Variants in ZNF385D observed in about 807,000 individuals in gnomAD.
ZNF385D encodes the protein zinc finger protein 385D, also known as zinc finger protein 659.
A neutral mutation model predicts 35.8 loss-of-function variants in ZNF385D; 15 were observed. That is an observed-to-expected ratio of 0.42 (90% CI 0.28 to 0.64). The LOEUF (loss-of-function observed/expected upper bound fraction) is 0.64. Ranked by LOEUF, ZNF385D falls within the 30% of genes least tolerant of loss-of-function variation. The pLI is 0.23. For missense variants in ZNF385D, 474 were observed against 494.6 expected (o/e 0.96, Z 0.39); for synonymous variants, 212 against 186.8 (o/e 1.13, Z -1.10).
chr3:22,233,752 G>C (rs1019583958), intron 2 of ZNF385D, among the ~76,000 whole-genome samples: 2 of 151,792 alleles, frequency 1.3e-5, no homozygotes, highest in Non-Finnish European at 1.5e-5. Flanking sequence ...TGAGTTCCAG[G>C]GTGGTTTAAT....
chr3:21,439,520 C>G (rs1701754025), intron 4 of ZNF385D, among the ~76,000 whole-genome samples: 1 of 151,978 alleles, frequency 6.6e-6, no homozygotes, highest in Non-Finnish European at 1.5e-5. Context: ...TTGAAATCTA[C>G]TATGGTAAAG....
At chr3:22,176,072 A>G (rs1694814047) in intron 2 of ZNF385D, among the ~76,000 whole-genome samples, 1 of 146,784 alleles carries the variant, frequency 6.8e-6, no homozygotes, top group African/African-American at 2.7e-5. Flanking sequence ...ATTCCCCACT[A>G]GAGTGCAGTG....
intron 3 of ZNF385D, among the ~76,000 whole-genome samples, chr3:21,913,138 G>A (rs1382346946): frequency 3.3e-5 from 5 of 152,064 alleles, no homozygotes. Flanking sequence ...TCCTCTAAAT[G>A]TAAATAATTT....
chr3:22,096,110 T>A (rs1701606808), intron 3 of ZNF385D, among the ~76,000 whole-genome samples: 1 of 147,972 alleles, frequency 6.8e-6, no homozygotes, highest in Non-Finnish European at 1.5e-5. Context: ...AACGGAATGT[T>A]CATATAAGGT....
intron 3 of ZNF385D, among the ~76,000 whole-genome samples, chr3:21,805,096 T>C (rs76555495): frequency 0.012 from 1,794 of 152,294 alleles, 16 homozygotes; most frequent in Middle Eastern, 0.054. Context: ...GGAAAGTGAC[T>C]CTAATTACCG....
chr3:21,847,083 T>C (rs1696054615), intron 3 of ZNF385D, among the ~76,000 whole-genome samples: 1 of 152,028 alleles, frequency 6.6e-6, no homozygotes, highest in Non-Finnish European at 1.5e-5. Flanking sequence ...ATTTCTAAAT[T>C]CTAATCCCCT....
At chr3:22,232,374 G>A (rs1248903694) in intron 2 of ZNF385D, among the ~76,000 whole-genome samples, 2 of 150,772 alleles carry the variant, frequency 1.3e-5, no homozygotes, top group African/African-American at 4.9e-5. Flanking sequence ...TCTGAGAATG[G>A]CTTCACGTTC....
chr3:22,088,092 T>C lies in ZNF385D; in HGVS notation c.325+80725A>G, dbSNP rs1403051844. Among the ~76,000 whole-genome samples the C allele has an allele frequency of 2.6e-5, 4 of 152,264 alleles. No individual in the cohort carries two copies. The South Asian group carries it at 6.2e-4, about 24-fold the overall frequency. ...GTCTAAAACAAGAGGATTTTACAAA[T>C]TTAAGTAATTTAATAAATCAACGCA... On this transcript the variant is annotated intron_variant, in intron 3 of 5. Transcript: ENST00000494108.
intron 3 of ZNF385D, among the ~76,000 whole-genome samples, chr3:21,519,585 A>G (rs1165814412): frequency 1.3e-5 from 2 of 152,232 alleles, no homozygotes; most frequent in Admixed American, 1.3e-4. Context: ...AACAGAGGAT[A>G]GCAGTGGGCT....
intron 3 of ZNF385D, among the ~76,000 whole-genome samples, chr3:22,152,831 G>T (rs891609473): frequency 1.3e-5 from 2 of 152,032 alleles, no homozygotes; most frequent in Non-Finnish European, 2.9e-5. Context: ...GTATTATTTG[G>T]TCTACCACAA....
chr3:21,742,113 C>T (rs774107277), intron 1 of ZNF385D, among the ~76,000 whole-genome samples: 1 of 152,182 alleles, frequency 6.6e-6, no homozygotes. Context: ...ACCTTCATAA[C>T]AAGGTCCATT....
At chr3:21,887,415 G>C (rs1417490017) in intron 3 of ZNF385D, among the ~76,000 whole-genome samples, 1 of 152,092 alleles carries the variant, frequency 6.6e-6, no homozygotes, top group African/African-American at 2.4e-5. Flanking sequence ...GAATTTAAAA[G>C]AGCAAAAAAC....
intron 6 of ZNF385D, among the ~76,000 whole-genome samples, chr3:21,424,320 T>TATATATATATACTTATATATATATA (rs1418109308): frequency 1.2e-4 from 14 of 117,712 alleles, no homozygotes; most frequent in African/African-American, 1.6e-4. Context: ...TATATATATT[T>TATATATATATACTTATATATATATA]TTTTTTTTTT....
intron 2 of ZNF385D, among the ~76,000 whole-genome samples, chr3:22,281,563 T>C (rs906442227): frequency 1.3e-5 from 2 of 152,062 alleles, no homozygotes; most frequent in Non-Finnish European, 2.9e-5. Flanking sequence ...TGTTAAACCA[T>C]CCCTGCGCAT....
intron 3 of ZNF385D, among the ~76,000 whole-genome samples, chr3:22,167,326 G>C (rs1427413713): frequency 6.6e-6 from 1 of 152,130 alleles, no homozygotes; most frequent in Non-Finnish European, 1.5e-5. Flanking sequence ...AAATATATCA[G>C]CATGTACTCT....
At chr3:22,049,347 G>A (rs1191661333) in intron 3 of ZNF385D, among the ~76,000 whole-genome samples, 2 of 112,392 alleles carry the variant, frequency 1.8e-5, no homozygotes, top group Admixed American at 9.4e-5. Flanking sequence ...AAAAAATGCG[G>A]TTAATTTTTG....
intron 3 of ZNF385D, among the ~76,000 whole-genome samples, chr3:22,015,401 G>T (rs1411574424): frequency 6.6e-6 from 1 of 152,100 alleles, no homozygotes; most frequent in Non-Finnish European, 1.5e-5. Flanking sequence ...CAACTTGAAA[G>T]AAAATATCTA....
At chr3:21,604,260 G>T (rs144932247) in intron 2 of ZNF385D, among the ~76,000 whole-genome samples, 40 of 152,126 alleles carry the variant, frequency 2.6e-4, no homozygotes, top group East Asian at 1.2e-3. Context: ...TCTGCTCTGT[G>T]TGTAGAAGCA....
chr3:21,862,161 T>C (rs1376030451), intron 3 of ZNF385D, among the ~76,000 whole-genome samples: 2 of 152,118 alleles, frequency 1.3e-5, no homozygotes, highest in African/African-American at 4.8e-5. Context: ...CATATTGATA[T>C]CAAATTCTTT....
Sources: gnomAD v4.1 joint callset for allele counts (sites outside exome capture counted in the v4.1 genomes callset) on GRCh38, gnomAD v4.1.1 for gene constraint, MANE v1.5 for transcripts, NCBI Gene and HGNC (gene_info 2026-07-23, HGNC 2026-07-21) for gene names.